EYS: variants seen among roughly 807,000 people sequenced by gnomAD.
EYS encodes EGF-like photoreceptor maintenance factor.
Under a neutral mutation model 282.1 loss-of-function variants are expected in EYS, and 250 were observed. The ratio of observed to expected loss-of-function variants is 0.89; its 90% CI spans 0.80 to 0.98. The LOEUF (loss-of-function observed/expected upper bound fraction) is 0.98. Ranked by LOEUF, EYS falls within the 50% of genes least tolerant of loss-of-function variation. The pLI is 0.00. For missense variants in EYS, 4,016 were observed against 3,709.0 expected (o/e 1.08, Z -2.15); for synonymous variants, 1,355 against 1,282.9 (o/e 1.06, Z -1.20).
chr6:65,228,245 CAG>C (rs1479559224), intron 12 of EYS, among the ~76,000 whole-genome samples: 3 of 151,856 alleles, frequency 2.0e-5, no homozygotes, highest in African/African-American at 7.3e-5. Flanking sequence ...AAAAAGCACT[CAG>C]ATTGAAAAGG....
At chr6:65,414,128 A>G (rs1767135814) in intron 5 of EYS, among the ~76,000 whole-genome samples, 1 of 152,188 alleles carries the variant, frequency 6.6e-6, no homozygotes, top group African/African-American at 2.4e-5. Context: ...AGAGCATATC[A>G]ACAGAGAAAA....
intron 40 of EYS, among the ~76,000 whole-genome samples, chr6:63,764,948 C>A (rs1381464127): frequency 6.6e-6 from 1 of 151,816 alleles, no homozygotes; most frequent in Non-Finnish European, 1.5e-5. Flanking sequence ...AAATTTCAAG[C>A]CTTCATTAGT....
chr6:64,697,310 T>C (rs1038243795), intron 22 of EYS, among the ~76,000 whole-genome samples: 1 of 152,124 alleles, frequency 6.6e-6, no homozygotes, highest in African/African-American at 2.4e-5. Flanking sequence ...AAAAAGGTCA[T>C]TATATAATGA....
intron 14 of EYS, among the ~76,000 whole-genome samples, chr6:64,974,283 G>T (rs1770400269): frequency 6.6e-6 from 1 of 151,770 alleles, no homozygotes; most frequent in Non-Finnish European, 1.5e-5. Flanking sequence ...GAAGACTATT[G>T]GGTTAACTTA....
intron 2 of EYS, among the ~76,000 whole-genome samples, chr6:65,522,916 A>G (rs545595524): frequency 1.8e-4 from 27 of 152,320 alleles, no homozygotes; most frequent in African/African-American, 6.5e-4. Flanking sequence ...TATAATTACC[A>G]GAACACAACA....
chr6:65,594,884 C>T (rs546372202), intron 2 of EYS, among the ~76,000 whole-genome samples: 77 of 152,140 alleles, frequency 5.1e-4, no homozygotes, highest in African/African-American at 1.8e-3. Context: ...CTACATATGG[C>T]TAGCCAGTTT....
intron 18 of EYS, among the ~76,000 whole-genome samples, chr6:64,889,729 C>A (rs1415855360): frequency 6.6e-6 from 1 of 152,030 alleles, no homozygotes; most frequent in Non-Finnish European, 1.5e-5. Flanking sequence ...TTACTTTAAT[C>A]TTTTAATCCT....
At chr6:64,653,211 G>T (rs1768626688) in intron 22 of EYS, among the ~76,000 whole-genome samples, 1 of 152,096 alleles carries the variant, frequency 6.6e-6, no homozygotes, top group Non-Finnish European at 1.5e-5. Flanking sequence ...GCTACCAAAA[G>T]CTACTAGAGA....
At chr6:64,621,404 G>A (rs1456795662) in intron 23 of EYS, among the ~76,000 whole-genome samples, 1 of 151,832 alleles carries the variant, frequency 6.6e-6, no homozygotes, top group Non-Finnish European at 1.5e-5. Flanking sequence ...TGTCTAACTA[G>A]TTAATACATT....
intron 36 of EYS, among the ~76,000 whole-genome samples, chr6:63,813,945 A>C (rs1010904379): frequency 2.0e-5 from 3 of 152,200 alleles, no homozygotes; most frequent in African/African-American, 7.2e-5. Flanking sequence ...CAGATGGATA[A>C]ATTTGCAAAA....
rs985230442 is a variant in EYS, at chr6:65,329,781, G to A, written c.1766+5199C>T. On this transcript the variant is annotated intron_variant, in intron 11 of 42. Transcript: ENST00000503581. ...TCAGAAATAATTTAAGAAAATCCTG[G>A]TCAAATTATACTATACTTTTGTGCC... 4 of 980,906 alleles carry A rather than the reference G, an allele frequency of 4.1e-6. No homozygotes were observed. The African/African-American group carries it at 7.0e-5, about 17-fold the overall frequency. 60.8% of individuals were successfully genotyped at this position (980,906 alleles called of 1,614,324 possible).
At chr6:64,964,840 C>T (rs745949792) in intron 14 of EYS, among the ~76,000 whole-genome samples, 19 of 151,830 alleles carry the variant, frequency 1.3e-4, no homozygotes, top group African/African-American at 4.1e-4. Context: ...AAGACCAGCC[C>T]GGTCAACATG....
intron 31 of EYS, among the ~76,000 whole-genome samples, chr6:64,130,137 C>A (rs975377911): frequency 1.3e-5 from 2 of 152,152 alleles, no homozygotes; most frequent in South Asian, 2.1e-4. Context: ...TGGGTATATA[C>A]CCAAAGGATT....
chr6:64,718,597 C>T (rs899467451), intron 22 of EYS, among the ~76,000 whole-genome samples: 14 of 152,132 alleles, frequency 9.2e-5, no homozygotes, highest in Non-Finnish European at 1.8e-4. Flanking sequence ...TCACGCTTTT[C>T]ATTGTGTGAT....
intron 29 of EYS, among the ~76,000 whole-genome samples, chr6:64,380,111 C>CG (rs1772694782): frequency 1.2e-5 from 1 of 81,180 alleles, no homozygotes; most frequent in Non-Finnish European, 2.9e-5. Context: ...TTTGCAACTT[C>CG]AATTTTTTTT....
chr6:63,829,800 G>A (rs1305747131), intron 36 of EYS, among the ~76,000 whole-genome samples: 2 of 152,168 alleles, frequency 1.3e-5, no homozygotes, highest in East Asian at 1.9e-4. Context: ...AGCCTAACTG[G>A]GAGACACCTC....
chr6:64,509,308 C>T (rs62415785), intron 26 of EYS, among the ~76,000 whole-genome samples: 34 of 152,080 alleles, frequency 2.2e-4, no homozygotes, highest in Admixed American at 5.9e-4. Flanking sequence ...TGCTTCTTTA[C>T]GACTTGTCTG....
chr6:65,657,354 G>A (rs550213877), intron 1 of EYS, among the ~76,000 whole-genome samples: 8 of 151,710 alleles, frequency 5.3e-5, no homozygotes, highest in Non-Finnish European at 1.0e-4. Flanking sequence ...GGGATCTTCC[G>A]GAAAAGATTC....
At chr6:65,434,317 G>C (rs1163756937) in intron 5 of EYS, among the ~76,000 whole-genome samples, 3 of 146,364 alleles carry the variant, frequency 2.0e-5, no homozygotes, top group Non-Finnish European at 4.5e-5. Context: ...TCCTAGGTTT[G>C]CATAATTTTT....
Sources: allele counts gnomAD v4.1 joint callset (sites outside exome capture counted in the v4.1 genomes callset), GRCh38; gene constraint gnomAD v4.1.1; transcripts MANE v1.5; gene names NCBI Gene and HGNC (gene_info 2026-07-23, HGNC 2026-07-21).